Variants in DHDDS observed in about 807,000 individuals in gnomAD.
DHDDS encodes the protein dehydrodolichyl diphosphate synthase subunit.
DHDDS carries 16 observed loss-of-function variants against 46.2 expected under a neutral mutation model. The observed-to-expected ratio is 0.35, with a 90% CI of 0.23 to 0.53. DHDDS has a LOEUF of 0.53. DHDDS is among the 20% of genes least tolerant of loss of function. The pLI is 0.94. For missense variants in DHDDS, 340 were observed against 423.7 expected (o/e 0.80, Z 1.73); for synonymous variants, 151 against 163.1 (o/e 0.93, Z 0.56).
intron 2 of DHDDS, among the ~76,000 whole-genome samples, chr1:26,435,312 A>T (rs2075143216): frequency 6.6e-6 from 1 of 152,032 alleles, no homozygotes; most frequent in African/African-American, 2.4e-5. Flanking sequence ...GCCCGGCTGA[A>T]AAGCAAAATT....
At chr1:26,443,095 G>GT in intron 4 of DHDDS, 1 of 727,728 alleles carries the variant, frequency 1.4e-6, no homozygotes, top group South Asian at 1.9e-5. Context: ...ATATTGAGGG[G>GT]TGTCACATGA....
intron 8 of DHDDS, among the ~76,000 whole-genome samples, chr1:26,468,120 G>T (rs768545696): frequency 6.6e-6 from 1 of 152,184 alleles, no homozygotes; most frequent in Non-Finnish European, 1.5e-5. Flanking sequence ...ACTTCCAAGG[G>T]CTTATTTTCT....
At chr1:26,453,975 A>T (rs760164614) in intron 6 of DHDDS, among the ~76,000 whole-genome samples, 3 of 151,232 alleles carry the variant, frequency 2.0e-5, no homozygotes, top group Non-Finnish European at 4.4e-5. Flanking sequence ...TGTTTTTGAG[A>T]TGGAGTCTTG....
chr1:26,446,389 G>T lies in DHDDS; in HGVS notation c.397G>T (p.Glu133Ter). The T allele has an allele frequency of 6.2e-7, 1 of 1,614,022 alleles. No homozygotes were observed. The highest frequency in any genetic ancestry group is 8.5e-7 in the Non-Finnish European group (1 of 1,179,950). ...DLHLLPLDLQ[E>*]LIAQAVQATK... is the part of the protein sequence containing the mutation. ...GCACTTGTTGCCCTTGGATCTCCAG[G>T]AGCTGATTGCACAAGCTGTACAGGC... The change falls in exon 5 of 9, where the codon GAG becomes TAG. Residue 133 changes from glutamate (E) to a stop codon, truncating the protein, a stop_gained. Transcript: ENST00000236342. LOFTEE classifies it high-confidence loss of function.
chr1:26,457,233 G>C (rs191071835), intron 6 of DHDDS, among the ~76,000 whole-genome samples: 29 of 151,704 alleles, frequency 1.9e-4, no homozygotes, highest in East Asian at 5.8e-4. Flanking sequence ...CCGAGGGGGG[G>C]GCGGATCACG....
At position 26,471,128 on chromosome 1, in the gene DHDDS, C is replaced by T. The variant is rs2075553788; in HGVS notation, c.*1997C>T. ...GCAAGGGCTGCAAAATAGTAGAACT[C>T]GTGGTTGCTTTGGACAGGTGTGATT... On this transcript the variant is annotated 3_prime_UTR_variant, in exon 9 of 9. Transcript: ENST00000236342. The T allele has an allele frequency of 1.3e-5, 2 of 152,224 alleles. No individual in the cohort carries two copies. The highest frequency in any genetic ancestry group is 4.8e-5 in the African/African-American group (2 of 41,436). 9.4% of individuals were successfully genotyped at this position (152,224 alleles called of 1,614,324 possible).
intron 6 of DHDDS, among the ~76,000 whole-genome samples, chr1:26,451,787 C>A (rs1451788759): frequency 1.3e-5 from 2 of 152,006 alleles, no homozygotes; most frequent in East Asian, 3.9e-4. Flanking sequence ...TGCCACCCCG[C>A]CTGGCTAATT....
chr1:26,447,996 C>T, intron 6 of DHDDS: 5 of 542,116 alleles, frequency 9.2e-6, no homozygotes, highest in Non-Finnish European at 1.3e-5. Context: ...CTAGAGTTCA[C>T]CACACACCAA....
intron 3 of DHDDS, chr1:26,438,499 G>C: frequency 1.9e-6 from 1 of 514,974 alleles, no homozygotes; most frequent in Non-Finnish European, 3.6e-6. Context: ...CAAGGCAGGA[G>C]GATTGCTTGA....
At chr1:26,464,642 T>C (rs2075463431) in intron 8 of DHDDS, among the ~76,000 whole-genome samples, 1 of 152,184 alleles carries the variant, frequency 6.6e-6, no homozygotes. Context: ...AGAGAGGTCT[T>C]TCCAGGCTTT....
chr1:26,468,915 A>G lies in DHDDS; in HGVS notation c.786A>G (p.Ala262=). 1 of 1,613,490 alleles carries G rather than the reference A, an allele frequency of 6.2e-7. No homozygotes were observed. The highest frequency in any genetic ancestry group is 2.2e-5 in the East Asian group (1 of 44,826). The change falls in exon 9 of 9, where the codon GCA becomes GCG. Residue 262 remains alanine (A), a synonymous_variant. Transcript: ENST00000236342. ...SVLQKARDMY[A]EERKRQQLER... The stretch of plus-strand genomic sequence containing the variant: ...AGCAGAAGGCCCGAGACATGTATGC[A>G]GAGGAGCGGAAGAGGCAGCAGCTGG...
At position 26,469,465 on chromosome 1, in the gene DHDDS, G is replaced by C; in HGVS notation, c.*334G>C. The C allele has an allele frequency of 4.8e-6, 2 of 419,742 alleles. No individual in the cohort carries two copies. The highest frequency in any genetic ancestry group is 2.3e-5 in the South Asian group (1 of 44,090). 26.0% of individuals were successfully genotyped at this position (419,742 alleles called of 1,614,324 possible). ...CCACCAGCACATCCTTCAACACACA[G>C]AATTTCAGGGAAGAGTTCTCCCCAA... On this transcript the variant is annotated 3_prime_UTR_variant, in exon 9 of 9. Coordinates refer to ENST00000236342, the MANE Select transcript of DHDDS (RefSeq NM_205861.3).
chr1:26,444,200 G>C (rs2075245144), intron 4 of DHDDS, among the ~76,000 whole-genome samples: 2 of 152,234 alleles, frequency 1.3e-5, no homozygotes, highest in Admixed American at 1.3e-4. Context: ...TTATCATGAA[G>C]TCCTGGCAAA....
At chr1:26,433,090 T>C (rs1432528630) in intron 2 of DHDDS, 82 bp downstream of exon 2, 6 of 1,432,972 alleles carry the variant, frequency 4.2e-6, no homozygotes, top group Non-Finnish European at 5.9e-6. Context: ...AAGTTGATGA[T>C]GTTAAGTGCA....
At chr1:26,458,299 A>G (rs2075389775) in intron 7 of DHDDS, among the ~76,000 whole-genome samples, 1 of 152,162 alleles carries the variant, frequency 6.6e-6, no homozygotes, top group Non-Finnish European at 1.5e-5. Context: ...ATGGTAAACA[A>G]TATGCAAACA....
chr1:26,441,302 G>A (rs979753040), intron 3 of DHDDS, among the ~76,000 whole-genome samples: 7 of 151,602 alleles, frequency 4.6e-5, no homozygotes, highest in East Asian at 3.9e-4. Context: ...TGGTTCAAGC[G>A]ATTCTCCTGC....
At chr1:26,446,488 CT>C in intron 5 of DHDDS, 56 bp downstream of exon 5, 1 of 1,541,744 alleles carries the variant, frequency 6.5e-7, no homozygotes, top group Non-Finnish European at 9.0e-7. Flanking sequence ...TCCCTGCTGG[CT>C]TTAGGGAGAC....
At chr1:26,434,414 TG>T (rs2075133175) in intron 2 of DHDDS, among the ~76,000 whole-genome samples, 2 of 152,106 alleles carry the variant, frequency 1.3e-5, no homozygotes, top group African/African-American at 4.8e-5. Context: ...GTCCAGGAAA[TG>T]GGAAGTATCT....
intron 2 of DHDDS, 104 bp downstream of exon 2, chr1:26,433,112 T>A: frequency 8.0e-7 from 1 of 1,250,480 alleles, no homozygotes; most frequent in Non-Finnish European, 1.2e-6. Context: ...TTCATGATGT[T>A]AAGTGGAATT....
Sources: gnomAD v4.1 joint callset for allele counts (sites outside exome capture counted in the v4.1 genomes callset) on GRCh38, gnomAD v4.1.1 for gene constraint, MANE v1.5 for transcripts, NCBI Gene and HGNC (gene_info 2026-07-23, HGNC 2026-07-21) for gene names.